The following NAALADL2 variants were observed in gnomAD, a reference collection of about 807,000 sequenced individuals.
NAALADL2 encodes N-acetylated alpha-linked acidic dipeptidase like 2, also known as inactive N-acetylated-alpha-linked acidic dipeptidase-like protein 2.
In NAALADL2, 76 loss-of-function variants were observed where a neutral mutation model predicts 87.2. The ratio of observed to expected loss-of-function variants is 0.87; its 90% CI spans 0.72 to 1.05. NAALADL2 has a LOEUF of 1.05. Ranked by LOEUF, NAALADL2 falls within the 50% of genes least tolerant of loss-of-function variation. The pLI, the probability that NAALADL2 is intolerant of heterozygous loss-of-function variation, is 0.00. For missense variants in NAALADL2, 1,089 were observed against 945.8 expected (o/e 1.15, Z -1.99); for synonymous variants, 354 against 331.0 (o/e 1.07, Z -0.75).
Position 175,471,644 on chromosome 3 carries a change from C to G in NAALADL2, c.1539C>G (p.Phe513Leu). Residue 513 changes from phenylalanine to leucine, a missense_variant, in exon 9 of 14, where the codon TTC becomes TTG. Phe to Leu is a conservative substitution (Grantham distance 22). Transcript: ENST00000454872. ...TTTTTTTTTTGTTATTTCAGGATTT[C>G]AAGAAGGTTCTTCAGAAAAATGTTG... Reference protein sequence around the residue: ...NIGSYEWGEDFKKVLQKNVVA... With the variant: ...NIGSYEWGEDLKKVLQKNVVA... 6.8e-7 allele frequency: 1 copy of G among 1,468,976 alleles called. No homozygotes were observed. The highest frequency in any genetic ancestry group is 1.2e-5 in the South Asian group (1 of 84,822). The allele number at this position is 1,468,976 out of a possible 1,614,324, so 91.0% of individuals were successfully genotyped here. A position where few individuals can be genotyped will look rare whatever the true frequency, so the allele number is the denominator to read the frequency against.
At chr3:175,798,457 A>G (rs1753768922) in intron 13 of NAALADL2, among the ~76,000 whole-genome samples, 1 of 152,068 alleles carries the variant, frequency 6.6e-6, no homozygotes, top group African/African-American at 2.4e-5. Flanking sequence ...ATCATGTAGC[A>G]TATGGAAAAT....
At chr3:174,459,406 A>G (rs1300808136) in intron 1 of NAALADL2, 1 of 152,102 alleles carries the variant, frequency 6.6e-6, no homozygotes, top group Non-Finnish European at 1.5e-5. Flanking sequence ...AATGGAGGAG[A>G]TGTCCGCTTT....
intron 10 of NAALADL2, among the ~76,000 whole-genome samples, chr3:175,623,648 G>C (rs1726563380): frequency 6.6e-6 from 1 of 151,962 alleles, no homozygotes; most frequent in Admixed American, 6.6e-5. Context: ...GTCATGTGAA[G>C]AACAAAGCAG....
chr3:174,528,293 A>G (rs552346143), intron 1 of NAALADL2, among the ~76,000 whole-genome samples: 2 of 152,300 alleles, frequency 1.3e-5, no homozygotes, highest in Non-Finnish European at 2.9e-5. Context: ...CATAGTGTGC[A>G]TAGCATTATA....
intron 11 of NAALADL2, among the ~76,000 whole-genome samples, chr3:175,641,065 A>G (rs1729223548): frequency 6.6e-6 from 1 of 152,172 alleles, no homozygotes; most frequent in South Asian, 2.1e-4. Context: ...CATTGCTCAA[A>G]TGTTCAAATA....
At chr3:175,071,392 C>A (rs367944111) in intron 1 of NAALADL2, among the ~76,000 whole-genome samples, 3 of 152,044 alleles carry the variant, frequency 2.0e-5, no homozygotes, top group African/African-American at 7.2e-5. Flanking sequence ...AAGTTGTCTC[C>A]ATTTGCTTCT....
At chr3:174,851,619 T>C (rs1378509866) in intron 3 of NAALADL2, among the ~76,000 whole-genome samples, 1 of 152,046 alleles carries the variant, frequency 6.6e-6, no homozygotes, top group African/African-American at 2.4e-5. Flanking sequence ...ATCAAAGCTG[T>C]AATAAAAAGC....
chr3:175,441,099 A>G (rs776069889), intron 5 of NAALADL2, among the ~76,000 whole-genome samples: 69 of 152,072 alleles, frequency 4.5e-4, no homozygotes, highest in Admixed American at 3.0e-3. Context: ...TAAACTATAT[A>G]AATTACACTA....
intron 2 of NAALADL2, chr3:175,124,470 GGAAA>G (rs1437190988): frequency 3.3e-5 from 5 of 151,888 alleles, no homozygotes; most frequent in African/African-American, 1.2e-4. Flanking sequence ...GAATAGGAGA[GGAAA>G]GGCAACTGTA....
chr3:174,672,917 A>C (rs199772449), intron 2 of NAALADL2, among the ~76,000 whole-genome samples: 1 of 151,560 alleles, frequency 6.6e-6, no homozygotes, highest in Non-Finnish European at 1.5e-5. Flanking sequence ...TGGCTTGTAC[A>C]CAGTGGCTTG....
In NAALADL2 at chr3:175,533,704, T is replaced by A. The variant is rs1279240837; in HGVS notation, c.1654-42337T>A. ...AGTGAACACCTGGCGAGGCTGTGCG[T>A]GCACCTTTCCTTGCAGGTCAGCCAC... On this transcript the variant is annotated intron_variant, in intron 9 of 13. Transcript: ENST00000454872. Among the ~76,000 whole-genome samples, 4 of 152,212 alleles carry A rather than the reference T, an allele frequency of 2.6e-5. No homozygotes were observed. The East Asian group carries it at 7.7e-4, about 29-fold the overall frequency.
rs114153167 is a variant in NAALADL2, at chr3:174,613,570, A to G, written c.-115+62933A>G. ...CTCACCCCATGACCACTGGCACCAT[A>G]GGACAATGGGGACAACTGCCAGGCT... is the stretch of plus-strand genomic sequence containing the variant. On this transcript the variant is annotated intron_variant, in intron 2 of 3. Transcript: ENST00000434257. 1.9e-3 allele frequency among the ~76,000 whole-genome samples: 294 copies of G among 152,258 alleles called. 2 individuals are homozygous for G. Among genetic ancestry groups the G allele is most frequent in the African/African-American group, 6.6e-3 (273 of 41,572 alleles).
At chr3:174,839,579 C>T (rs1320984121) in intron 3 of NAALADL2, among the ~76,000 whole-genome samples, 2 of 151,874 alleles carry the variant, frequency 1.3e-5, no homozygotes, top group Non-Finnish European at 2.9e-5. Flanking sequence ...GAGAGAAAAC[C>T]TTCACAATCT....
At chr3:175,433,058 G>T (rs997479793) in intron 5 of NAALADL2, among the ~76,000 whole-genome samples, 1 of 151,914 alleles carries the variant, frequency 6.6e-6, no homozygotes, top group Non-Finnish European at 1.5e-5. Flanking sequence ...TTAAATAGTT[G>T]CAGTCATGAA....
chr3:175,041,161 T>G (rs1003654370), intron 1 of NAALADL2, among the ~76,000 whole-genome samples: 15 of 152,196 alleles, frequency 9.9e-5, no homozygotes, highest in African/African-American at 3.6e-4. Flanking sequence ...TTTCTAGATC[T>G]GGTGTCTGGA....
Position 175,119,394 on chromosome 3 carries a change from G to GTA in NAALADL2, c.545+22107_545+22108dup, listed in dbSNP as rs1265725240. Among the ~76,000 whole-genome samples, 4 of 151,594 alleles carry GTA rather than the reference G, an allele frequency of 2.6e-5. No homozygotes were observed. The East Asian group carries it at 7.8e-4, about 30-fold the overall frequency. The stretch of plus-strand genomic sequence containing the variant: ...GAGGCAGGAACAAATAATATTCCAG[G>GTA]TATATGGTCTAAAGGTACAGAGTTA... On this transcript the variant is annotated intron_variant, in intron 2 of 13. Transcript: ENST00000454872.
chr3:175,678,426 T>C lies in NAALADL2; in HGVS notation c.1896+51040T>C, dbSNP rs552172503. On this transcript the variant is annotated intron_variant, in intron 11 of 13. Coordinates refer to ENST00000454872, the MANE Select transcript of NAALADL2 (RefSeq NM_207015.3). ...AAGAATGTTGTGCTACATGCACACGTATGTTTATTGTGGCACTATTCACAA... is the reference window on the plus strand; with the variant it reads ...AAGAATGTTGTGCTACATGCACACGCATGTTTATTGTGGCACTATTCACAA... Among the ~76,000 whole-genome samples, 6 of 152,270 alleles carry C rather than the reference T, an allele frequency of 3.9e-5. No individual in the cohort carries two copies. The South Asian group carries it at 1.2e-3, about 32-fold the overall frequency.
intron 9 of NAALADL2, among the ~76,000 whole-genome samples, chr3:175,573,335 T>C (rs1305093408): frequency 6.6e-6 from 1 of 152,212 alleles, no homozygotes; most frequent in Non-Finnish European, 1.5e-5. Context: ...CATTTAAAAA[T>C]GATTTTTACT....
chr3:174,577,968 A>C (rs909827869), intron 2 of NAALADL2, among the ~76,000 whole-genome samples: 1 of 152,038 alleles, frequency 6.6e-6, no homozygotes, highest in African/African-American at 2.4e-5. Flanking sequence ...TTAGAACCAG[A>C]AAGTACAAAA....
Sources: allele counts gnomAD v4.1 joint callset (sites outside exome capture counted in the v4.1 genomes callset), GRCh38; gene constraint gnomAD v4.1.1; transcripts MANE v1.5; gene names NCBI Gene and HGNC (gene_info 2026-07-23, HGNC 2026-07-21).